Variants in ARHGAP26 observed in about 807,000 individuals in gnomAD.
ARHGAP26 encodes rho GTPase-activating protein 26.
ARHGAP26 carries 38 observed loss-of-function variants against 104.8 expected under a neutral mutation model. The ratio of observed to expected loss-of-function variants is 0.36; its 90% confidence interval spans 0.28 to 0.48. ARHGAP26 has a LOEUF of 0.48. Among genes scored for constraint, ARHGAP26 ranks in the 20% least tolerant of loss-of-function variants. The pLI, the probability that ARHGAP26 is intolerant of heterozygous loss-of-function variation, is 0.99. For missense variants in ARHGAP26, 704 were observed against 947.9 expected (o/e 0.74, Z 3.38); for synonymous variants, 341 against 340.0 (o/e 1.00, Z -0.03).
At chr5:143,198,324 T>C (rs1807180724) in intron 20 of ARHGAP26, among the ~76,000 whole-genome samples, 1 of 152,210 alleles carries the variant, frequency 6.6e-6, no homozygotes, top group South Asian at 2.1e-4. Context: ...CCCAAAATGC[T>C]TTAGTGTTTT....
chr5:143,192,114 A>G (rs1373794064), intron 20 of ARHGAP26, among the ~76,000 whole-genome samples: 3 of 152,238 alleles, frequency 2.0e-5, no homozygotes, highest in Non-Finnish European at 4.4e-5. Context: ...TGCAAGAGAT[A>G]AAAGAGGGAT....
intron 20 of ARHGAP26, among the ~76,000 whole-genome samples, chr5:143,154,238 G>T (rs188431339): frequency 5.4e-4 from 82 of 151,354 alleles, no homozygotes; most frequent in Non-Finnish European, 9.6e-4. Context: ...GTTTAACACA[G>T]TATGTCACAC....
chr5:142,857,742 C>T (rs1181527965), intron 1 of ARHGAP26, among the ~76,000 whole-genome samples: 1 of 152,154 alleles, frequency 6.6e-6, no homozygotes, highest in Non-Finnish European at 1.5e-5. Context: ...CTTTCCGGGT[C>T]TTCGGGACAT....
In ARHGAP26 at chr5:142,852,171, C is replaced by T. The variant is rs115677074; in HGVS notation, c.155-21229C>T. Among the ~76,000 whole-genome samples the T allele has an allele frequency of 5.4e-3, 828 of 152,284 alleles. 12 individuals carry two copies. The highest frequency in any genetic ancestry group is 0.019 in the African/African-American group (786 of 41,548). The stretch of plus-strand genomic sequence containing the variant: ...GAAAAGAAAGAGTGAGGTATGCAGC[C>T]GCCGGCAAAGCATCAGAGAGGTAGT... On this transcript the variant is annotated intron_variant, in intron 1 of 22. Transcript: ENST00000645722.
At chr5:143,154,919 A>T (rs1230837876) in intron 20 of ARHGAP26, among the ~76,000 whole-genome samples, 1 of 152,142 alleles carries the variant, frequency 6.6e-6, no homozygotes, top group Non-Finnish European at 1.5e-5. Flanking sequence ...ACACCCAAAC[A>T]GGCTGCTATG....
intron 17 of ARHGAP26, among the ~76,000 whole-genome samples, chr5:143,117,045 G>T (rs923924818): frequency 6.6e-6 from 1 of 152,172 alleles, no homozygotes; most frequent in Non-Finnish European, 1.5e-5. Context: ...TTCAAAAGAC[G>T]CCACAGCAGA....
At chr5:142,937,542 C>T (rs1328429832) in intron 11 of ARHGAP26, among the ~76,000 whole-genome samples, 9 of 152,192 alleles carry the variant, frequency 5.9e-5, no homozygotes, top group Admixed American at 5.2e-4. Flanking sequence ...TGCTCTGGGG[C>T]ATTTAATCCA....
chr5:142,793,316 T>C (rs972600836), intron 1 of ARHGAP26, among the ~76,000 whole-genome samples: 1 of 145,460 alleles, frequency 6.9e-6, no homozygotes, highest in Non-Finnish European at 1.5e-5. Context: ...GTAGCTTTGG[T>C]AGGAGGTGAT....
intron 17 of ARHGAP26, among the ~76,000 whole-genome samples, chr5:143,100,846 T>C (rs549586322): frequency 6.6e-6 from 1 of 152,334 alleles, no homozygotes; most frequent in African/African-American, 2.4e-5. Context: ...ATCCCAGCTC[T>C]TTGGGAGGCC....
At chr5:143,138,491 C>G (rs1211031610) in intron 19 of ARHGAP26, among the ~76,000 whole-genome samples, 1 of 152,156 alleles carries the variant, frequency 6.6e-6, no homozygotes, top group Non-Finnish European at 1.5e-5. Flanking sequence ...TGTAGACAGT[C>G]AAGGAAGGTT....
intron 11 of ARHGAP26, among the ~76,000 whole-genome samples, chr5:142,991,046 T>A (rs529850249): frequency 3.9e-5 from 6 of 152,292 alleles, no homozygotes; most frequent in African/African-American, 1.4e-4. Flanking sequence ...TTTCAGCTAT[T>A]CCCTGCCCCC....
At chr5:143,070,043 T>G (rs1788032271) in intron 17 of ARHGAP26, among the ~76,000 whole-genome samples, 1 of 152,194 alleles carries the variant, frequency 6.6e-6, no homozygotes, top group Admixed American at 6.5e-5. Flanking sequence ...TGGTAGCTTC[T>G]TGGTTCACCA....
chr5:142,919,951 G>A (rs943517390), intron 10 of ARHGAP26, among the ~76,000 whole-genome samples: 1 of 152,166 alleles, frequency 6.6e-6, no homozygotes, highest in African/African-American at 2.4e-5. Context: ...GCAGTGAGCT[G>A]AGATCGCGCC....
intron 19 of ARHGAP26, among the ~76,000 whole-genome samples, chr5:143,144,507 G>A (rs1481810587): frequency 6.6e-6 from 1 of 152,142 alleles, no homozygotes; most frequent in Non-Finnish European, 1.5e-5. Context: ...CCAGGCTGAA[G>A]CAGTTCTCCT....
intron 1 of ARHGAP26, among the ~76,000 whole-genome samples, chr5:142,847,369 T>A (rs931184441): frequency 2.6e-5 from 4 of 152,008 alleles, no homozygotes; most frequent in Non-Finnish European, 5.9e-5. Context: ...TGTCTTTTTT[T>A]TTTTTGAGAC....
At chr5:142,988,562 A>C (rs1775118250) in intron 11 of ARHGAP26, among the ~76,000 whole-genome samples, 1 of 151,772 alleles carries the variant, frequency 6.6e-6, no homozygotes, top group Non-Finnish European at 1.5e-5. Context: ...TTGCTTCTCT[A>C]GTTCTTTTAA....
intron 10 of ARHGAP26, among the ~76,000 whole-genome samples, chr5:142,925,219 C>G (rs2152515453): frequency 6.6e-6 from 1 of 152,246 alleles, no homozygotes; most frequent in East Asian, 1.9e-4. Flanking sequence ...TGCCCTGTTG[C>G]CCACCTCCCC....
chr5:142,993,506 T>C (rs1435442333), intron 11 of ARHGAP26, among the ~76,000 whole-genome samples: 1 of 152,196 alleles, frequency 6.6e-6, no homozygotes, highest in Non-Finnish European at 1.5e-5. Flanking sequence ...GGTTTCACCA[T>C]GTTGGCCAGG....
intron 17 of ARHGAP26, among the ~76,000 whole-genome samples, chr5:143,086,165 G>A (rs1034424521): frequency 6.6e-6 from 1 of 152,140 alleles, no homozygotes; most frequent in African/African-American, 2.4e-5. Flanking sequence ...TTGGAAGAAT[G>A]TTTTTCTCTC....
Sources: gnomAD v4.1 joint callset for allele counts (sites outside exome capture counted in the v4.1 genomes callset) on GRCh38, gnomAD v4.1.1 for gene constraint, MANE v1.5 for transcripts, NCBI Gene and HGNC (gene_info 2026-07-23, HGNC 2026-07-21) for gene names.